The following KIF2A variants were observed in gnomAD, a reference collection of about 807,000 sequenced individuals.
KIF2A encodes the protein kinesin family member 2A, also known as kinesin-like protein KIF2A.
In KIF2A, 22 loss-of-function variants were observed where a neutral mutation model predicts 100.2. That is an observed-to-expected ratio of 0.22 (90% CI 0.16 to 0.31). The LOEUF (loss-of-function observed/expected upper bound fraction) is 0.31. KIF2A is among the 10% of genes least tolerant of loss of function. The probability of loss-of-function intolerance (pLI) is 1.00; values close to 1 mark genes in which losing one functional copy is unlikely to be tolerated. For missense variants in KIF2A, 495 were observed against 898.7 expected (o/e 0.55, Z 5.74); for synonymous variants, 268 against 285.9 (o/e 0.94, Z 0.63).
intron 1 of KIF2A, among the ~76,000 whole-genome samples, chr5:62,323,496 C>G (rs1746212230): frequency 6.7e-6 from 1 of 150,222 alleles, no homozygotes; most frequent in African/African-American, 2.5e-5. Flanking sequence ...GCACTCCAGC[C>G]TGGGCGACAG....
At chr5:62,362,289 A>T in intron 11 of KIF2A, 161 bp from the exon 12 acceptor site, 2 of 315,504 alleles carry the variant, frequency 6.3e-6, no homozygotes, top group Non-Finnish European at 1.2e-5. Flanking sequence ...AGCTTCTATT[A>T]ATACTATTTT....
chr5:62,331,153 T>C (rs1428773421), intron 1 of KIF2A, among the ~76,000 whole-genome samples: 1 of 151,774 alleles, frequency 6.6e-6, no homozygotes, highest in African/African-American at 2.4e-5. Flanking sequence ...GGCTCATGCC[T>C]GTAATCCCAG....
At chr5:62,381,655 C>T (rs1741776946) in intron 20 of KIF2A, among the ~76,000 whole-genome samples, 1 of 152,226 alleles carries the variant, frequency 6.6e-6, no homozygotes, top group Non-Finnish European at 1.5e-5. Flanking sequence ...TCCTCAACCT[C>T]CTGTGCTCAA....
chr5:62,343,045 C>T (rs921755654), intron 1 of KIF2A, among the ~76,000 whole-genome samples: 4 of 152,184 alleles, frequency 2.6e-5, no homozygotes, highest in East Asian at 1.9e-4. Context: ...AGCCACCGCA[C>T]CCAGCCTGGT....
At chr5:62,344,740 T>C (rs907155166) in intron 1 of KIF2A, among the ~76,000 whole-genome samples, 3 of 152,238 alleles carry the variant, frequency 2.0e-5, no homozygotes, top group Non-Finnish European at 4.4e-5. Context: ...AATTGTGATA[T>C]ATTCATTTAT....
chr5:62,368,011 T>A (rs898534840), intron 16 of KIF2A, among the ~76,000 whole-genome samples: 3 of 152,344 alleles, frequency 2.0e-5, no homozygotes, highest in East Asian at 3.9e-4. Flanking sequence ...TGTTATTTTT[T>A]AATCTTTTAT....
At chr5:62,322,005 T>C (rs187592495) in intron 1 of KIF2A, among the ~76,000 whole-genome samples, 2 of 152,268 alleles carry the variant, frequency 1.3e-5, no homozygotes, top group African/African-American at 2.4e-5. Flanking sequence ...ATTGCAGCCT[T>C]ACCTCCCAGG....
intron 1 of KIF2A, among the ~76,000 whole-genome samples, chr5:62,341,753 A>G (rs1747306737): frequency 2.0e-5 from 3 of 151,512 alleles, no homozygotes; most frequent in African/African-American, 7.3e-5. Flanking sequence ...ACATTAAGTC[A>G]CTCCTTGCCT....
intron 19 of KIF2A, among the ~76,000 whole-genome samples, chr5:62,380,771 C>T (rs979285731): frequency 2.6e-5 from 4 of 152,160 alleles, no homozygotes; most frequent in Non-Finnish European, 5.9e-5. Flanking sequence ...TCTTCATCCT[C>T]ATCATCTTCA....
At chr5:62,365,383 T>C in intron 15 of KIF2A, 30 bp downstream of exon 15, 1 of 1,155,356 alleles carries the variant, frequency 8.7e-7, no homozygotes, top group Non-Finnish European at 1.3e-6. Context: ...TTGTTTGTTT[T>C]ATTTTAATCC....
intron 17 of KIF2A, among the ~76,000 whole-genome samples, chr5:62,373,330 C>A (rs1295324051): frequency 6.6e-6 from 1 of 151,484 alleles, no homozygotes; most frequent in Non-Finnish European, 1.5e-5. Context: ...AATTTAATTG[C>A]AATAACATCA....
chr5:62,360,453 G>A (rs1331772781), intron 9 of KIF2A, among the ~76,000 whole-genome samples: 1 of 152,174 alleles, frequency 6.6e-6, no homozygotes, highest in Non-Finnish European at 1.5e-5. Flanking sequence ...GGGAGGCCAA[G>A]GCGGGCAGAT....
intron 1 of KIF2A, among the ~76,000 whole-genome samples, chr5:62,339,387 C>T (rs1323244754): frequency 1.3e-5 from 2 of 151,552 alleles, no homozygotes; most frequent in Non-Finnish European, 2.9e-5. Flanking sequence ...TCCACTGGGC[C>T]CCACCTCCAA....
chr5:62,380,279 C>T (rs1161881781), intron 19 of KIF2A, among the ~76,000 whole-genome samples: 1 of 152,180 alleles, frequency 6.6e-6, no homozygotes, highest in Non-Finnish European at 1.5e-5. Flanking sequence ...ACCATAGCCC[C>T]CATCAAAGTG....
At position 62,385,419 on chromosome 5, in the gene KIF2A, T is replaced by A. The variant is rs182180203; in HGVS notation, c.2150-65T>A. On this transcript the variant is annotated intron_variant, in intron 20 of 20. Coordinates refer to ENST00000407818, the MANE Select transcript of KIF2A (RefSeq NM_001098511.3). Reference sequence around the variant, plus strand: ...AACACAGCTGACTTGATTGAACCCATAAAGTTGTAAACTCTTACTGCGTGT... The same window carrying A: ...AACACAGCTGACTTGATTGAACCCAAAAAGTTGTAAACTCTTACTGCGTGT... 5.8e-5 allele frequency: 65 copies of A among 1,123,484 alleles called. No homozygotes were observed. In the African/African-American group the frequency reaches 8.0e-4, roughly 14 times the overall value. 69.6% of individuals were successfully genotyped at this position (1,123,484 alleles called of 1,614,324 possible). A position where few individuals can be genotyped will look rare whatever the true frequency, so the allele number is the denominator to read the frequency against.
intron 20 of KIF2A, among the ~76,000 whole-genome samples, chr5:62,381,936 G>A (rs1172416873): frequency 6.6e-6 from 1 of 152,220 alleles, no homozygotes; most frequent in Admixed American, 6.5e-5. Flanking sequence ...AGGGAAGCAT[G>A]TGCCTTACCT....
chr5:62,333,550 C>G (rs1309142206), intron 1 of KIF2A, among the ~76,000 whole-genome samples: 1 of 152,174 alleles, frequency 6.6e-6, no homozygotes, highest in Non-Finnish European at 1.5e-5. Context: ...GCTGAGGACA[C>G]AGTGGCCCTC....
chr5:62,383,091 T>C (rs557341074), intron 20 of KIF2A, among the ~76,000 whole-genome samples: 2 of 150,626 alleles, frequency 1.3e-5, no homozygotes, highest in Non-Finnish European at 3.0e-5. Context: ...TGTACCCGGC[T>C]ACTTTTTGTA....
intron 17 of KIF2A, among the ~76,000 whole-genome samples, chr5:62,373,057 G>GA (rs541009402): frequency 4.8e-4 from 66 of 136,708 alleles, no homozygotes; most frequent in Middle Eastern, 7.4e-3. Context: ...GCCAAGTGGT[G>GA]AAAAAAAAAA....
Sources: gnomAD v4.1 joint callset for allele counts (sites outside exome capture counted in the v4.1 genomes callset) on GRCh38, gnomAD v4.1.1 for gene constraint, MANE v1.5 for transcripts, NCBI Gene and HGNC (gene_info 2026-07-23, HGNC 2026-07-21) for gene names.